Variants in IL1RAPL2 observed in about 807,000 individuals in gnomAD.
IL1RAPL2 encodes the protein interleukin 1 receptor accessory protein like 2, also known as X-linked interleukin-1 receptor accessory protein-like 2.
A neutral mutation model predicts 44.1 loss-of-function variants in IL1RAPL2; 3 were observed. That is an observed-to-expected ratio of 0.07 (90% CI 0.03 to 0.18). IL1RAPL2 has a LOEUF of 0.18. IL1RAPL2 is among the 10% of genes least tolerant of loss of function. The pLI is 1.00. For missense variants in IL1RAPL2, 391 were observed against 496.4 expected (o/e 0.79, Z 2.02); for synonymous variants, 181 against 178.8 (o/e 1.01, Z -0.10).
chrX:105,220,766 G>C (rs2033954558), intron 3 of IL1RAPL2: 1 of 165,529 alleles, frequency 6.0e-6, no homozygotes, highest in Non-Finnish European at 1.1e-5. Flanking sequence ...GAGTGGAAGG[G>C]AGTGAGTGAG....
rs193297662 is a variant in IL1RAPL2, at chrX:105,706,607, T to G, written c.773-10760T>G. Among the ~76,000 whole-genome samples, 237 of 111,146 alleles carry G rather than the reference T, an allele frequency of 2.1e-3. 3 individuals carry two copies. The highest frequency in any genetic ancestry group is 7.5e-3 in the African/African-American group (230 of 30,619). Reference sequence around the variant, plus strand: ...GCTCAGTTTTACAGGAGGAGTAATGTAAAGACCCAGAGCTGGAGAGTACAT... The same window carrying G: ...GCTCAGTTTTACAGGAGGAGTAATGGAAAGACCCAGAGCTGGAGAGTACAT... On this transcript the variant is annotated intron_variant, in intron 6 of 10. Coordinates refer to ENST00000372582, the MANE Select transcript of IL1RAPL2 (RefSeq NM_017416.2).
intron 6 of IL1RAPL2, among the ~76,000 whole-genome samples, chrX:105,549,948 CT>C (rs1186698202): frequency 8.9e-6 from 1 of 112,007 alleles, no homozygotes; most frequent in Non-Finnish European, 1.9e-5. Flanking sequence ...TATTGCTTTT[CT>C]AGATGCTTCC....
intron 4 of IL1RAPL2, among the ~76,000 whole-genome samples, chrX:105,266,487 G>T (rs2147655647): frequency 9.0e-6 from 1 of 111,696 alleles, no homozygotes; most frequent in African/African-American, 3.2e-5. Flanking sequence ...CTAATAAGTA[G>T]TCTGAAAAAA....
chrX:105,275,505 A>G (rs2034479185), intron 5 of IL1RAPL2, among the ~76,000 whole-genome samples: 1 of 112,086 alleles, frequency 8.9e-6, no homozygotes, highest in Admixed American at 9.5e-5. Context: ...CCTTAAGGGA[A>G]TGGATTTGTT....
At chrX:104,672,859 A>G (rs1248348475) in intron 2 of IL1RAPL2, among the ~76,000 whole-genome samples, 1 of 111,752 alleles carries the variant, frequency 8.9e-6, no homozygotes, top group Non-Finnish European at 1.9e-5. Flanking sequence ...GATGACGAGC[A>G]TTTTTTCATG....
At chrX:105,497,662 G>A (rs1276869159) in intron 6 of IL1RAPL2, among the ~76,000 whole-genome samples, 2 of 111,537 alleles carry the variant, frequency 1.8e-5, no homozygotes, top group South Asian at 3.8e-4. Context: ...CAATGTAAAT[G>A]CCAAAGTCTT....
rs780345602 is a variant in IL1RAPL2 at position 105,018,027 on chromosome X, C to A, written c.83-177448C>A. 5.4e-5 allele frequency among the ~76,000 whole-genome samples: 6 copies of A among 111,591 alleles called. No homozygotes were observed. In the South Asian group the frequency reaches 1.5e-3, roughly 28 times the overall value. Reference sequence around the variant, plus strand: ...TGACCAAAAGTGGTTCCCCCCACTACGTGTGCCTGGAATTCCCACAATTAG... The same window carrying A: ...TGACCAAAAGTGGTTCCCCCCACTAAGTGTGCCTGGAATTCCCACAATTAG... On this transcript the variant is annotated intron_variant, in intron 2 of 10. Transcript: ENST00000372582.
chrX:105,499,629 G>A (rs1418908160), intron 6 of IL1RAPL2, among the ~76,000 whole-genome samples: 1 of 111,659 alleles, frequency 9.0e-6, no homozygotes, highest in Non-Finnish European at 1.9e-5. Context: ...ATAGTCAACA[G>A]GTATGTGAGA....
intron 6 of IL1RAPL2, among the ~76,000 whole-genome samples, chrX:105,592,724 A>G (rs2037181534): frequency 9.0e-6 from 1 of 111,600 alleles, no homozygotes; most frequent in African/African-American, 3.3e-5. Flanking sequence ...CTTGTTTGGC[A>G]TGTCTTTTCT....
At chrX:104,681,863 C>A (rs1488648614) in intron 2 of IL1RAPL2, among the ~76,000 whole-genome samples, 1 of 112,565 alleles carries the variant, frequency 8.9e-6, no homozygotes, top group Non-Finnish European at 1.9e-5. Context: ...GAACACATGT[C>A]CCTCCTGGGG....
chrX:104,632,329 T>A (rs1047226753), intron 1 of IL1RAPL2, among the ~76,000 whole-genome samples: 2 of 111,556 alleles, frequency 1.8e-5, no homozygotes, highest in African/African-American at 6.5e-5. Context: ...ATGCGGGCTC[T>A]TTTTTGGTTC....
intron 2 of IL1RAPL2, among the ~76,000 whole-genome samples, chrX:105,189,854 C>T (rs5916729): frequency 0.51 from 56,387 of 109,943 alleles, 12,552 homozygotes; most frequent in East Asian, 0.76. Context: ...ATTTGGATAG[C>T]ACCAAGCAAA....
At chrX:105,021,818 C>T (rs1462193314) in intron 2 of IL1RAPL2, among the ~76,000 whole-genome samples, 7 of 111,226 alleles carry the variant, frequency 6.3e-5, no homozygotes, top group African/African-American at 2.0e-4. Flanking sequence ...CCTTTTTACC[C>T]CATTTATTCA....
chrX:104,577,174 T>G (rs1326791173), intron 1 of IL1RAPL2, among the ~76,000 whole-genome samples: 1 of 112,167 alleles, frequency 8.9e-6, no homozygotes, highest in Non-Finnish European at 1.9e-5. Context: ...GGATCCTGTG[T>G]TTAAGAGTTC....
intron 5 of IL1RAPL2, among the ~76,000 whole-genome samples, chrX:105,333,310 A>G (rs1603069790): frequency 8.9e-6 from 1 of 111,784 alleles, no homozygotes; most frequent in African/African-American, 3.2e-5. Context: ...CTGGATATCC[A>G]TATGCAGAAG....
intron 5 of IL1RAPL2, among the ~76,000 whole-genome samples, chrX:105,466,302 CAT>C (rs1353511474): frequency 6.4e-5 from 7 of 109,027 alleles, no homozygotes; most frequent in African/African-American, 2.3e-4. Context: ...TTTTGGAAAA[CAT>C]ATGTTTTTAG....
At chrX:105,530,466 A>C (rs2036625452) in intron 6 of IL1RAPL2, among the ~76,000 whole-genome samples, 2 of 110,487 alleles carry the variant, frequency 1.8e-5, no homozygotes, top group African/African-American at 6.6e-5. Flanking sequence ...GTGTGGATAC[A>C]TAGTAGGTGT....
chrX:104,947,259 G>T (rs1327044566), intron 2 of IL1RAPL2, among the ~76,000 whole-genome samples: 3 of 107,967 alleles, frequency 2.8e-5, no homozygotes. Flanking sequence ...TTTTTGATGG[G>T]GTTGTTTGTT....
intron 2 of IL1RAPL2, among the ~76,000 whole-genome samples, chrX:105,179,764 A>T (rs1185805868): frequency 3.6e-4 from 35 of 97,820 alleles, no homozygotes; most frequent in Non-Finnish European, 6.5e-4. Context: ...AGTGAGTGGG[A>T]TTGCTTTCTT....
Sources: gnomAD v4.1 joint callset for allele counts (sites outside exome capture counted in the v4.1 genomes callset) on GRCh38, gnomAD v4.1.1 for gene constraint, MANE v1.5 for transcripts, NCBI Gene and HGNC (gene_info 2026-07-23, HGNC 2026-07-21) for gene names.